CCDC144A: variants seen among roughly 807,000 people sequenced by gnomAD.
The protein encoded by CCDC144A is coiled-coil domain containing 144A, also known as coiled-coil domain-containing protein 144A.
CCDC144A carries 41 observed loss-of-function variants against 143.8 expected under a neutral mutation model. The ratio of observed to expected loss-of-function variants is 0.29; its 90% confidence interval spans 0.22 to 0.37. The LOEUF is 0.37. CCDC144A is among the 10% of genes least tolerant of loss of function. CCDC144A has a pLI of 1.00. For synonymous variants in CCDC144A, 242 were observed against 517.9 expected (o/e 0.47, Z 7.23); for missense variants, 637 against 1,488.8 (o/e 0.43, Z 9.41).
At chr17:16,668,479 G>C in the CCDC144A span, among the ~76,000 whole-genome samples, 1 of 152,160 alleles carries the variant, frequency 6.6e-6, no homozygotes, top group South Asian at 2.1e-4. Flanking sequence ...AAGATTCAAT[G>C]ATATATTGTG....
In CCDC144A at chr17:16,727,861, T is replaced by C. The variant is rs192997344; in HGVS notation, c.2105+121T>C. On this transcript the variant is annotated intron_variant, in intron 9 of 16. Transcript: ENST00000399273. ...GAAACCTTTTTGGTCTTGTGGAATA[T>C]GAAATTCTTGGAAATAATAAAACAA... The C allele has an allele frequency of 2.7e-4, 203 of 743,332 alleles. 9 individuals carry two copies. The African/African-American group carries it at 4.1e-3, about 15-fold the overall frequency. The allele number at this position is 743,332 out of a possible 1,614,324, so 46.0% of individuals were successfully genotyped here. A position where few individuals can be genotyped will look rare whatever the true frequency, so the allele number is the denominator to read the frequency against.
At chr17:16,693,604 C>T (rs1340530869) in intron 2 of CCDC144A, among the ~76,000 whole-genome samples, 37 of 152,006 alleles carry the variant, frequency 2.4e-4, no homozygotes, top group Non-Finnish European at 1.2e-4. Flanking sequence ...CGTGAGCCAC[C>T]GCGCCCGGCC....
At chr17:16,745,828 C>T (rs1914474881) in intron 12 of CCDC144A, 1 of 1,607,102 alleles carries the variant, frequency 6.2e-7, no homozygotes, top group Non-Finnish European at 8.5e-7. Flanking sequence ...CCCAGTCTCT[C>T]CATGGCCTCC....
intron 15 of CCDC144A, among the ~76,000 whole-genome samples, chr17:16,769,954 A>C (rs1161689307): frequency 1.3e-5 from 2 of 151,178 alleles, no homozygotes; most frequent in African/African-American, 4.9e-5. Flanking sequence ...CAGCCTCCTG[A>C]GTAGCTGGGA....
chr17:16,667,277 GGGCTGAGGGGTTGAGGCGGCTGAGGC>G, the CCDC144A span, among the ~76,000 whole-genome samples: 1 of 131,358 alleles, frequency 7.6e-6, no homozygotes, highest in Non-Finnish European at 1.7e-5. Flanking sequence ...GGCGGCTGAG[GGGCTGAGGGGTTGAGGCGGCTGAGGC>G]GGCTGAGGGG....
At chr17:16,672,715 GTGT>G in the CCDC144A span, among the ~76,000 whole-genome samples, 1 of 152,094 alleles carries the variant, frequency 6.6e-6, no homozygotes, top group African/African-American at 2.4e-5. Flanking sequence ...GAAAAGCACT[GTGT>G]GTACAATCAG....
chr17:16,758,130 G>A (rs1915184845), intron 12 of CCDC144A, among the ~76,000 whole-genome samples: 1 of 152,226 alleles, frequency 6.6e-6, no homozygotes, highest in African/African-American at 2.4e-5. Context: ...TGCATATTAA[G>A]GAATGTATAG....
At chr17:16,670,019 A>G in the CCDC144A span, among the ~76,000 whole-genome samples, 1 of 152,078 alleles carries the variant, frequency 6.6e-6, no homozygotes, top group African/African-American at 2.4e-5. Context: ...CGTTTCTACT[A>G]AAAATACAAA....
chr17:16,775,875 T>G lies in CCDC144A; in HGVS notation c.*2242T>G, dbSNP rs1915985228. 6.6e-6 allele frequency: 1 copy of G among 152,282 alleles called. No homozygotes were observed. Among genetic ancestry groups the G allele is most frequent in the African/African-American group, 2.4e-5 (1 of 41,468 alleles). 9.4% of individuals were successfully genotyped at this position (152,282 alleles called of 1,614,324 possible). ...AGTCTTTAATCCATCTTGAGTTAAC[T>G]TTTGTATATGGGTTAAGGAAGGGGT... On this transcript the variant is annotated 3_prime_UTR_variant, in exon 17 of 17. Coordinates refer to ENST00000399273, the MANE Select transcript of CCDC144A (RefSeq NM_001382000.1).
chr17:16,750,908 G>A (rs538493861), intron 12 of CCDC144A, among the ~76,000 whole-genome samples: 15 of 152,192 alleles, frequency 9.9e-5, no homozygotes, highest in African/African-American at 3.1e-4. Context: ...TGGCTCTGTC[G>A]TGTTTCAACT....
rs551570422 is a variant in CCDC144A at position 16,776,557 on chromosome 17, C to T, written c.*2924C>T. On this transcript the variant is annotated 3_prime_UTR_variant, in exon 17 of 17. Transcript: ENST00000399273. Reference sequence around the variant, plus strand: ...GACTTTTGCACATTGATTTTGTATCCTGAGACTTTGTTGAAGTTGCTTATC... The same window carrying T: ...GACTTTTGCACATTGATTTTGTATCTTGAGACTTTGTTGAAGTTGCTTATC... The T allele has an allele frequency of 4.6e-5, 7 of 152,306 alleles. No homozygotes were observed. The East Asian group carries it at 1.3e-3, about 29-fold the overall frequency. 9.4% of individuals were successfully genotyped at this position (152,306 alleles called of 1,614,324 possible).
chr17:16,668,272 C>T, the CCDC144A span, among the ~76,000 whole-genome samples: 7 of 152,148 alleles, frequency 4.6e-5, no homozygotes, highest in South Asian at 8.3e-4. Context: ...TACAAGCTTA[C>T]GGAGCAACAT....
chr17:16,730,164 T>C (rs1342704986), intron 9 of CCDC144A, among the ~76,000 whole-genome samples: 2 of 115,794 alleles, frequency 1.7e-5, no homozygotes, highest in African/African-American at 3.7e-5. Flanking sequence ...AATTTTTATA[T>C]ATGGTGAGAG....
chr17:16,675,922 T>A, the CCDC144A span, among the ~76,000 whole-genome samples: 10 of 151,576 alleles, frequency 6.6e-5, no homozygotes, highest in East Asian at 3.9e-4. Context: ...TTTTTTTTTT[T>A]AATTTTCAGT....
At chr17:16,703,793 A>C (rs1911879791) in intron 2 of CCDC144A, among the ~76,000 whole-genome samples, 1 of 151,972 alleles carries the variant, frequency 6.6e-6, no homozygotes, top group Non-Finnish European at 1.5e-5. Context: ...ACAGAGTGAG[A>C]CTCCATCTCA....
intron 3 of CCDC144A, chr17:16,707,259 C>T (rs1322524321): frequency 2.1e-6 from 1 of 475,774 alleles, no homozygotes; most frequent in Non-Finnish European, 3.8e-6. Flanking sequence ...AACCTGGTGG[C>T]ATCTAGTGTC....
chr17:16,755,401 C>G (rs1311643163), intron 12 of CCDC144A, among the ~76,000 whole-genome samples: 1 of 152,162 alleles, frequency 6.6e-6, no homozygotes, highest in Admixed American at 6.5e-5. Flanking sequence ...TGTACCTGCT[C>G]TACCAGTGAG....
At chr17:16,684,548 G>A (rs1282759651), upstream of CCDC144A, among the ~76,000 whole-genome samples, 6 of 151,794 alleles carry the variant, frequency 4.0e-5, no homozygotes, top group Non-Finnish European at 7.4e-5. Flanking sequence ...CCAGCTACTC[G>A]GGAGCCTGAG....
At chr17:16,690,000 G>A (rs1482345455), upstream of CCDC144A, 1 of 157,796 alleles carries the variant, frequency 6.3e-6, no homozygotes, top group Non-Finnish European at 1.4e-5. Context: ...AGCCCAGGTT[G>A]GCGCTGGAGC....
Sources: gnomAD v4.1 joint callset for allele counts (sites outside exome capture counted in the v4.1 genomes callset) on GRCh38, gnomAD v4.1.1 for gene constraint, MANE v1.5 for transcripts, NCBI Gene and HGNC (gene_info 2026-07-23, HGNC 2026-07-21) for gene names.